DNAH7: variants seen among roughly 807,000 people sequenced by gnomAD.
DNAH7 encodes axonemal beta dynein heavy chain 7.
Under a neutral mutation model 444.6 loss-of-function variants are expected in DNAH7, and 397 were observed. The ratio of observed to expected loss-of-function variants is 0.89; its 90% CI spans 0.82 to 0.97. The LOEUF is 0.97. Among genes scored for constraint, DNAH7 ranks in the 50% least tolerant of loss-of-function variants. The pLI is 0.00. For missense variants in DNAH7, 4,902 were observed against 4,800.8 expected, an observed-to-expected ratio of 1.02 and a Z score of -0.62; for synonymous variants, 1,636 against 1,624.4, an observed-to-expected ratio of 1.01 and a Z score of -0.17.
chr2:195,986,641 A>G (rs1332102175), intron 14 of DNAH7, among the ~76,000 whole-genome samples: 1 of 152,190 alleles, frequency 6.6e-6, no homozygotes, highest in Non-Finnish European at 1.5e-5. Context: ...TTTCCAGATA[A>G]AAGAAAAAGT....
In DNAH7 at chr2:195,824,335, T is replaced by C. The variant is rs745390894; in HGVS notation, c.9211A>G (p.Ile3071Val). The C allele has an allele frequency of 3.0e-5, 49 of 1,613,872 alleles. No individual in the cohort carries two copies. The highest frequency in any genetic ancestry group is 3.3e-4 in the Middle Eastern group (2 of 6,082). ...STCIRLGDSTIEYAPDFRFYI... is the reference protein window; with the variant it reads ...STCIRLGDSTVEYAPDFRFYI... ...AAGCGGAAGTCAGGTGCATATTCAATTGTGGAGTCCCCAAGCCGGATACAT... is the reference window on the plus strand; with the variant it reads ...AAGCGGAAGTCAGGTGCATATTCAACTGTGGAGTCCCCAAGCCGGATACAT... The change falls in exon 49 of 65, where the codon ATT becomes GTT. Residue 3071 changes from isoleucine to valine, a missense_variant. Coordinates refer to ENST00000312428, the MANE Select transcript of DNAH7 (RefSeq NM_018897.3).
rs1574458617 is a variant in DNAH7, at chr2:195,800,021, C to T, written c.10177-549G>A. 5.9e-5 allele frequency among the ~76,000 whole-genome samples: 9 copies of T among 152,328 alleles called. 1 individual carries two copies. In the South Asian group the frequency reaches 1.9e-3, roughly 32 times the overall value. Reference sequence around the variant, plus strand: ...GGAGCCTGTTTGAGAAACAGCAGAACTCTGCAGCTTGGTGTCTCTGTTAAT... The same window carrying T: ...GGAGCCTGTTTGAGAAACAGCAGAATTCTGCAGCTTGGTGTCTCTGTTAAT... On this transcript the variant is annotated intron_variant, in intron 54 of 64. Coordinates refer to ENST00000312428, the MANE Select transcript of DNAH7 (RefSeq NM_018897.3).
At chr2:195,746,222 A>T (rs1693394157) in intron 63 of DNAH7, among the ~76,000 whole-genome samples, 1 of 152,084 alleles carries the variant, frequency 6.6e-6, no homozygotes, top group Admixed American at 6.5e-5. Flanking sequence ...AACAGACTTT[A>T]AACCAACAAA....
Position 196,048,327 on chromosome 2 carries a change from T to A in DNAH7, c.219A>T (p.Glu73Asp). ...ACTGTTCATTTTTAACACTAAATGG[T>A]TCTGGACTCTCATCATCCTGCTTTA... ...LSVKQDDESP[E>D]PFSVKNEQSH... Residue 73 changes from glutamate (E) to aspartate (D), a missense_variant, in exon 4 of 65, where the codon GAA becomes GAT. By Grantham distance (45) the Glu-to-Asp change is conservative. Coordinates refer to ENST00000312428, the MANE Select transcript of DNAH7 (RefSeq NM_018897.3). 6.2e-7 allele frequency: 1 copy of A among 1,614,018 alleles called. No homozygotes were observed. Among genetic ancestry groups the A allele is most frequent in the Non-Finnish European group, 8.5e-7 (1 of 1,179,934 alleles).
chr2:196,002,006 T>C lies in DNAH7; in HGVS notation c.990-148A>G, dbSNP rs1459056403. Reference sequence around the variant, plus strand: ...TATTACCCACTCTCCGAAATGTAAGTGTTAAAATATGTCACTTCTAGGAAA... The same window carrying C: ...TATTACCCACTCTCCGAAATGTAAGCGTTAAAATATGTCACTTCTAGGAAA... On this transcript the variant is annotated intron_variant, in intron 10 of 64. Coordinates refer to ENST00000312428, the MANE Select transcript of DNAH7 (RefSeq NM_018897.3). The C allele has an allele frequency of 9.2e-6, 5 of 541,438 alleles. No individual in the cohort carries two copies. The African/African-American group carries it at 9.8e-5, about 11-fold the overall frequency. The allele number at this position is 541,438 out of a possible 1,614,324, so 33.5% of individuals were successfully genotyped here.
rs1269583984 is a variant in DNAH7 at position 195,796,727 on chromosome 2, C to T, written c.10364G>A (p.Gly3455Glu). Residue 3455 changes from glycine (G) to glutamate (E), a missense_variant, in exon 56 of 65, where the codon GGA becomes GAA. By Grantham distance (98) the Gly-to-Glu change is moderately conservative (BLOSUM62 -2). Coordinates refer to ENST00000312428, the MANE Select transcript of DNAH7 (RefSeq NM_018897.3). ...LKFADDQGYGGSKLSSLSLGQ... is the reference protein window; with the variant it reads ...LKFADDQGYGESKLSSLSLGQ... ...AAGAGATAAAGAGCTAAGTTTTGAT[C>T]CCCCATATCCCTGTGTACAAGAATA... 1 of 1,613,602 alleles carries T rather than the reference C, an allele frequency of 6.2e-7. No homozygotes were observed. The highest frequency in any genetic ancestry group is 8.5e-7 in the Non-Finnish European group (1 of 1,179,726).
At chr2:196,037,371 G>C (rs1429197910) in intron 5 of DNAH7, among the ~76,000 whole-genome samples, 1 of 151,742 alleles carries the variant, frequency 6.6e-6, no homozygotes, top group Non-Finnish European at 1.5e-5. Context: ...ACCTGCAAAG[G>C]AACACAATAA....
At chr2:195,740,650 T>TACATACAC (rs1692970375) in intron 64 of DNAH7, 116 bp downstream of exon 64, 1 of 72,222 alleles carries the variant, frequency 1.4e-5, no homozygotes, top group African/African-American at 6.6e-5. Flanking sequence ...TATATACATA[T>TACATACAC]ACACACACAC....
intron 57 of DNAH7, among the ~76,000 whole-genome samples, chr2:195,789,706 A>G (rs751975637): frequency 1.6e-4 from 25 of 152,260 alleles, no homozygotes; most frequent in Non-Finnish European, 3.5e-4. Context: ...TGAGCATACA[A>G]CATCACCTAT....
chr2:195,932,878 C>A (rs967713011), intron 21 of DNAH7, among the ~76,000 whole-genome samples: 4 of 152,070 alleles, frequency 2.6e-5, no homozygotes, highest in Non-Finnish European at 4.4e-5. Flanking sequence ...GTCTAAAATT[C>A]TCTTTTTTTG....
At chr2:196,020,902 G>A (rs529491587) in intron 8 of DNAH7, among the ~76,000 whole-genome samples, 38 of 152,076 alleles carry the variant, frequency 2.5e-4, no homozygotes, top group Non-Finnish European at 4.6e-4. Context: ...GTAAGCCACC[G>A]CACTTGGCCT....
chr2:196,068,773 A>T lies in DNAH7; in HGVS notation c.-62T>A, dbSNP rs1698576356. 1 of 1,543,678 alleles carries T rather than the reference A, an allele frequency of 6.5e-7. No individual in the cohort carries two copies. The highest frequency in any genetic ancestry group is 1.4e-5 in the African/African-American group (1 of 72,828). On this transcript the variant is annotated 5_prime_UTR_variant, in exon 1 of 65. Coordinates refer to ENST00000312428, the MANE Select transcript of DNAH7 (RefSeq NM_018897.3). ...GGTTGCTCCTGCCCGCGGAACCCCT[A>T]GGACGATAGAGGCAGGGCCCCGGGA...
intron 19 of DNAH7, among the ~76,000 whole-genome samples, chr2:195,945,259 A>G (rs1269347309): frequency 6.6e-6 from 1 of 152,160 alleles, no homozygotes; most frequent in East Asian, 1.9e-4. Flanking sequence ...CTAAAACATA[A>G]GAACTGACTT....
intron 47 of DNAH7, among the ~76,000 whole-genome samples, chr2:195,837,103 T>C (rs1241402321): frequency 6.6e-6 from 1 of 152,222 alleles, no homozygotes; most frequent in South Asian, 2.1e-4. Flanking sequence ...TCCAACTAAA[T>C]TGTTTATTCC....
rs560552242 is a variant in DNAH7 at position 195,973,794 on chromosome 2, A to G, written c.1834-1328T>C. On this transcript the variant is annotated intron_variant, in intron 15 of 64. Coordinates refer to ENST00000312428, the MANE Select transcript of DNAH7 (RefSeq NM_018897.3). ...ACCCTTCCTTTGTATTTTTAAGAAAATATTAAAAATCGGCCGGGTGTGGTG... is the reference window on the plus strand; with the variant it reads ...ACCCTTCCTTTGTATTTTTAAGAAAGTATTAAAAATCGGCCGGGTGTGGTG... 9.9e-5 allele frequency among the ~76,000 whole-genome samples: 15 copies of G among 152,206 alleles called. No individual in the cohort carries two copies. In the South Asian group the frequency reaches 3.1e-3, roughly 32 times the overall value.
intron 9 of DNAH7, among the ~76,000 whole-genome samples, chr2:196,015,000 CTT>C (rs1439677776): frequency 2.6e-5 from 4 of 152,044 alleles, no homozygotes; most frequent in Non-Finnish European, 5.9e-5. Context: ...TTTCCAGTCT[CTT>C]ATAAACAAAT....
At chr2:195,865,100 A>C in intron 40 of DNAH7, 79 bp from the exon 41 acceptor site, 9 of 1,379,180 alleles carry the variant, frequency 6.5e-6, no homozygotes, top group East Asian at 2.3e-5. Flanking sequence ...TGCTAATCTC[A>C]GGTAATAAAA....
intron 9 of DNAH7, among the ~76,000 whole-genome samples, chr2:196,014,260 T>C (rs568234850): frequency 2.0e-5 from 3 of 152,276 alleles, no homozygotes; most frequent in East Asian, 3.9e-4. Context: ...GGAAAAAAGA[T>C]ATTACTCACT....
chr2:195,756,752 G>C (rs1310564598), intron 61 of DNAH7, among the ~76,000 whole-genome samples: 3 of 152,122 alleles, frequency 2.0e-5, no homozygotes, highest in Non-Finnish European at 4.4e-5. Context: ...CTAGGACTTT[G>C]GGGCCGAGGC....
Sources: allele counts gnomAD v4.1 joint callset (sites outside exome capture counted in the v4.1 genomes callset), GRCh38; gene constraint gnomAD v4.1.1; transcripts MANE v1.5; gene names NCBI Gene and HGNC (gene_info 2026-07-23, HGNC 2026-07-21).